NAV2: variants seen among roughly 807,000 people sequenced by gnomAD.
The protein encoded by NAV2 is neuron navigator 2.
NAV2 carries 54 observed loss-of-function variants against 223.2 expected under a neutral mutation model. That is an observed-to-expected ratio of 0.24 (90% CI 0.19 to 0.30). The LOEUF is 0.30. Ranked by LOEUF, NAV2 falls within the 10% of genes least tolerant of loss-of-function variation. The pLI, the probability that NAV2 is intolerant of heterozygous loss-of-function variation, is 1.00. For missense variants in NAV2, 2,806 were observed against 3,147.5 expected, an observed-to-expected ratio of 0.89 and a Z score of 2.60; for synonymous variants, 1,279 against 1,239.3, an observed-to-expected ratio of 1.03 and a Z score of -0.67.
intron 1 of NAV2, among the ~76,000 whole-genome samples, chr11:19,623,535 C>G (rs1334551522): frequency 6.6e-6 from 1 of 152,060 alleles, no homozygotes; most frequent in Non-Finnish European, 1.5e-5. Context: ...TCACTGATAC[C>G]CTTTCTTCCA....
intron 1 of NAV2, among the ~76,000 whole-genome samples, chr11:19,369,384 T>C (rs1274531126): frequency 2.0e-5 from 3 of 152,220 alleles, no homozygotes; most frequent in African/African-American, 7.2e-5. Context: ...CTTTATAAAA[T>C]GACCACAACT....
rs2052120522 is a variant in NAV2 at position 19,998,206 on chromosome 11, T to TC, written c.2768+13965dup. ...CCCCTTTTCCTTCCAGTCGGCAAAC[T>TC]CCCCCCAAACAGTTTCAAATCTCTC... On this transcript the variant is annotated intron_variant, in intron 11 of 37. Coordinates refer to ENST00000349880, the MANE Select transcript of NAV2 (RefSeq NM_145117.5). This position sits in a 1 kb window ranked among gnomAD's most constrained non-coding sequence, Gnocchi z 5.0. Among the ~76,000 whole-genome samples the TC allele has an allele frequency of 6.6e-6, 1 of 151,934 alleles. No individual in the cohort carries two copies. The highest frequency in any genetic ancestry group is 1.5e-5 in the Non-Finnish European group (1 of 67,962).
chr11:19,772,860 G>A (rs1160077726), intron 1 of NAV2, among the ~76,000 whole-genome samples: 2 of 152,216 alleles, frequency 1.3e-5, no homozygotes, highest in African/African-American at 4.8e-5. Flanking sequence ...GGCTGAAAGA[G>A]TGGAAGACCC....
upstream of NAV2, among the ~76,000 whole-genome samples, chr11:19,710,538 C>G (rs184934250): frequency 1.3e-5 from 2 of 152,300 alleles, no homozygotes; most frequent in African/African-American, 4.8e-5. Flanking sequence ...TTGCTGGGCC[C>G]CATCCCCAGG....
intron 1 of NAV2, among the ~76,000 whole-genome samples, chr11:19,430,585 A>C (rs1195444403): frequency 6.6e-6 from 1 of 152,214 alleles, no homozygotes; most frequent in Non-Finnish European, 1.5e-5. Flanking sequence ...TTTATTTTAC[A>C]CACACTTTCA....
At chr11:19,520,283 T>A (rs1380159121) in intron 1 of NAV2, among the ~76,000 whole-genome samples, 3 of 152,254 alleles carry the variant, frequency 2.0e-5, no homozygotes, top group African/African-American at 7.2e-5. Context: ...CCAGCTCATT[T>A]TCAGGCACGC....
Position 19,460,545 on chromosome 11 carries a change from A to C in NAV2, c.75+109518A>C, listed in dbSNP as rs565014335. On this transcript the variant is annotated intron_variant, in intron 1 of 37. Transcript: ENST00000360655. ...GCTTCCCAGGTGAGCAAACTATCGC[A>C]AGGACAAAAAACCAAACACCGCATG... Among the ~76,000 whole-genome samples, 10 of 151,702 alleles carry C rather than the reference A, an allele frequency of 6.6e-5. No individual in the cohort carries two copies. The East Asian group carries it at 1.9e-3, about 30-fold the overall frequency.
chr11:19,805,370 T>A (rs1031500455), intron 1 of NAV2, among the ~76,000 whole-genome samples: 2 of 152,170 alleles, frequency 1.3e-5, no homozygotes, highest in Non-Finnish European at 2.9e-5. Flanking sequence ...TAAGACCTAC[T>A]CTCCAGCCTC....
chr11:19,513,748 G>T (rs750713885), intron 1 of NAV2, among the ~76,000 whole-genome samples: 45 of 152,212 alleles, frequency 3.0e-4, no homozygotes, highest in Non-Finnish European at 5.3e-4. Context: ...TAGTTAAAAT[G>T]AGGTTATTGG....
intron 1 of NAV2, among the ~76,000 whole-genome samples, chr11:19,509,427 G>A (rs370163899): frequency 9.2e-5 from 14 of 152,216 alleles, no homozygotes; most frequent in Non-Finnish European, 2.1e-4. Flanking sequence ...AAGGGTGTGT[G>A]TGTCCTGTGC....
chr11:19,719,102 C>G (rs1027040760), intron 1 of NAV2, among the ~76,000 whole-genome samples: 1 of 152,098 alleles, frequency 6.6e-6, no homozygotes, highest in Non-Finnish European at 1.5e-5. Context: ...TTTCATGAGG[C>G]CCCAGTGGAA....
intron 1 of NAV2, among the ~76,000 whole-genome samples, chr11:19,799,772 C>T (rs1051910666): frequency 2.0e-5 from 3 of 152,112 alleles, no homozygotes; most frequent in East Asian, 3.9e-4. Context: ...GGGTGCTTTT[C>T]GGAACCCACC....
chr11:19,625,851 T>C (rs2047154791), intron 1 of NAV2, among the ~76,000 whole-genome samples: 1 of 152,214 alleles, frequency 6.6e-6, no homozygotes, highest in Admixed American at 6.5e-5. Flanking sequence ...TGTATCTTCT[T>C]TTGAGAAATG....
At chr11:19,919,721 A>G (rs542588325) in intron 6 of NAV2, among the ~76,000 whole-genome samples, 1 of 152,238 alleles carries the variant, frequency 6.6e-6, no homozygotes, top group Non-Finnish European at 1.5e-5. Context: ...GAGAAGAATA[A>G]GAATTAATCT....
intron 4 of NAV2, among the ~76,000 whole-genome samples, chr11:19,876,998 G>A (rs973766662): frequency 2.0e-5 from 3 of 149,912 alleles, no homozygotes; most frequent in Non-Finnish European, 4.4e-5. Context: ...ATACTCAAAT[G>A]CCTACCAGCT....
intron 7 of NAV2, among the ~76,000 whole-genome samples, chr11:19,934,974 C>T (rs113945850): frequency 6.6e-5 from 10 of 152,146 alleles, no homozygotes; most frequent in African/African-American, 2.2e-4. Flanking sequence ...TGGAGCCAGT[C>T]CACACAGTGG....
intron 1 of NAV2, among the ~76,000 whole-genome samples, chr11:19,468,761 C>A (rs1219925718): frequency 1.3e-5 from 2 of 152,026 alleles, no homozygotes; most frequent in Non-Finnish European, 2.9e-5. Context: ...AATTTGGAAG[C>A]TATTATTATT....
chr11:19,471,291 G>A (rs1476381087), intron 1 of NAV2, among the ~76,000 whole-genome samples: 1 of 152,136 alleles, frequency 6.6e-6, no homozygotes, highest in African/African-American at 2.4e-5. Context: ...ATTCATCTGT[G>A]AGTTGGAAAC....
At chr11:19,845,702 A>G (rs1177066669) in intron 3 of NAV2, among the ~76,000 whole-genome samples, 1 of 152,154 alleles carries the variant, frequency 6.6e-6, no homozygotes, top group African/African-American at 2.4e-5. Flanking sequence ...TTCCTAACCC[A>G]CTAGGCTGCC....
Sources: gnomAD v4.1 joint callset for allele counts (sites outside exome capture counted in the v4.1 genomes callset) on GRCh38, gnomAD v4.1.1 for gene constraint, Gnocchi (gnomAD v3.1) non-coding constraint, MANE v1.5 for transcripts, NCBI Gene and HGNC (gene_info 2026-07-23, HGNC 2026-07-21) for gene names.